The following ARHGAP44 variants were observed in gnomAD, a reference collection of about 807,000 sequenced individuals.
The protein encoded by ARHGAP44 is Rho GTPase activating protein 44.
A neutral mutation model predicts 106.8 loss-of-function variants in ARHGAP44; 43 were observed. The ratio of observed to expected loss-of-function variants is 0.40; its 90% confidence interval spans 0.32 to 0.52. The LOEUF (loss-of-function observed/expected upper bound fraction) is 0.52. ARHGAP44 is among the 20% of genes least tolerant of loss of function. ARHGAP44 has a pLI of 0.48. For synonymous variants in ARHGAP44, 439 were observed against 410.3 expected (o/e 1.07, Z -0.85); for missense variants, 866 against 1,050.5 (o/e 0.82, Z 2.43).
chr17:12,954,110 C>G (rs1045262434), intron 13 of ARHGAP44, among the ~76,000 whole-genome samples: 1 of 150,556 alleles, frequency 6.6e-6, no homozygotes, highest in Non-Finnish European at 1.5e-5. Flanking sequence ...GTTAGCCAGG[C>G]TGGTCTCAAA....
At chr17:12,834,600 G>T (rs1306995073) in intron 1 of ARHGAP44, among the ~76,000 whole-genome samples, 2 of 152,188 alleles carry the variant, frequency 1.3e-5, no homozygotes, top group African/African-American at 2.4e-5. Context: ...TCCACACTGT[G>T]TTGGCAGTGG....
intron 1 of ARHGAP44, among the ~76,000 whole-genome samples, chr17:12,843,297 GCTAC>G (rs2035470595): frequency 6.6e-6 from 1 of 152,108 alleles, no homozygotes; most frequent in South Asian, 2.1e-4. Flanking sequence ...TCTGTACCTA[GCTAC>G]CTTAATTGAC....
At chr17:12,879,595 AAGT>A (rs1206965146) in intron 1 of ARHGAP44, among the ~76,000 whole-genome samples, 2 of 151,858 alleles carry the variant, frequency 1.3e-5, no homozygotes, top group African/African-American at 4.8e-5. Context: ...TTTAAGCAAA[AAGT>A]AGTAAAAACT....
intron 7 of ARHGAP44, among the ~76,000 whole-genome samples, chr17:12,932,710 C>CT (rs34745789): frequency 1.8e-3 from 253 of 143,030 alleles, no homozygotes; most frequent in Middle Eastern, 7.1e-3. Context: ...TTCTTTCTTT[C>CT]TTTTTTTTTT....
chr17:12,984,737 CCTT>C lies in ARHGAP44; in HGVS notation c.2149_2151del (p.Ser717del), dbSNP rs775120031. The C allele has an allele frequency of 9.3e-6, 15 of 1,613,830 alleles. No homozygotes were observed. Among genetic ancestry groups the C allele is most frequent in the African/African-American group, 1.3e-5 (1 of 74,908 alleles). On this transcript the variant is annotated inframe_deletion, in exon 20 of 21. Coordinates refer to ENST00000379672, the MANE Select transcript of ARHGAP44 (RefSeq NM_014859.6). ...AGCTGCAGCTCCTCCCCTGGCCTCT[CCTT>C]CTGTCTTTACAAGCACTTTGAGCAA...
At chr17:12,857,138 A>G (rs1437113669) in intron 1 of ARHGAP44, among the ~76,000 whole-genome samples, 2 of 152,124 alleles carry the variant, frequency 1.3e-5, no homozygotes, top group Admixed American at 1.3e-4. Flanking sequence ...GTCCCTGGCA[A>G]TCCACTTTCA....
chr17:12,935,302 G>A (rs187126841), intron 7 of ARHGAP44, among the ~76,000 whole-genome samples: 365 of 152,246 alleles, frequency 2.4e-3, no homozygotes, highest in Non-Finnish European at 4.5e-3. Flanking sequence ...GGCCGGGTGC[G>A]GTGGCTCACG....
At chr17:12,969,655 C>G (rs2041116) in intron 16 of ARHGAP44, among the ~76,000 whole-genome samples, 5 of 152,254 alleles carry the variant, frequency 3.3e-5, no homozygotes, top group Non-Finnish European at 5.9e-5. Flanking sequence ...TTCCGTCCAT[C>G]AAGGTGTTGT....
At chr17:12,944,652 A>AC (rs1555561377) in intron 10 of ARHGAP44, among the ~76,000 whole-genome samples, 1 of 137,458 alleles carries the variant, frequency 7.3e-6, no homozygotes, top group Non-Finnish European at 1.6e-5. Flanking sequence ...CGCCCAGCTA[A>AC]TTTTTTTTTT....
At chr17:12,983,201 T>C (rs1325510461) in intron 19 of ARHGAP44, among the ~76,000 whole-genome samples, 1 of 143,390 alleles carries the variant, frequency 7.0e-6, no homozygotes, top group Non-Finnish European at 1.5e-5. Context: ...GGAGGCGGAG[T>C]TTGCAGAGAG....
intron 1 of ARHGAP44, among the ~76,000 whole-genome samples, chr17:12,797,923 A>T (rs2033972426): frequency 6.6e-6 from 1 of 152,098 alleles, no homozygotes; most frequent in African/African-American, 2.4e-5. Flanking sequence ...GCTTTTACTT[A>T]TAGGTAATTT....
intron 1 of ARHGAP44, among the ~76,000 whole-genome samples, chr17:12,886,146 A>T (rs553237413): frequency 9.9e-5 from 15 of 151,942 alleles, no homozygotes; most frequent in African/African-American, 3.6e-4. Flanking sequence ...CACTGATCAT[A>T]TTTGTCTAGG....
At chr17:12,872,807 T>C (rs28608204) in intron 1 of ARHGAP44, among the ~76,000 whole-genome samples, 11,181 of 152,244 alleles carry the variant, frequency 0.073, 1,018 homozygotes, top group African/African-American at 0.21. Context: ...TTCCATTCTA[T>C]TTTCCCTTTC....
At position 12,958,994 on chromosome 17, in the gene ARHGAP44, C is replaced by A; in HGVS notation, c.1523+97C>A. 1 of 1,362,816 alleles carries A rather than the reference C, an allele frequency of 7.3e-7. No individual in the cohort carries two copies. 84.4% of individuals were successfully genotyped at this position (1,362,816 alleles called of 1,614,324 possible). A position where few individuals can be genotyped will look rare whatever the true frequency, so the allele number is the denominator to read the frequency against. On this transcript the variant is annotated intron_variant, in intron 16 of 20. Coordinates refer to ENST00000379672, the MANE Select transcript of ARHGAP44 (RefSeq NM_014859.6). This position sits in a 1 kb window ranked among gnomAD's most constrained non-coding sequence, Gnocchi z 4.1. ...GAAAAATACAATTACGGGAAGGCTG[C>A]ACTGACTCTCAGCAGTTTAGGTGAC...
chr17:12,886,909 A>G (rs1284154708), intron 1 of ARHGAP44, among the ~76,000 whole-genome samples: 1 of 148,754 alleles, frequency 6.7e-6, no homozygotes, highest in Non-Finnish European at 1.5e-5. Flanking sequence ...AGATTTTTTC[A>G]TATATGTTAT....
At position 12,880,283 on chromosome 17, in the gene ARHGAP44, A is replaced by C. The variant is rs946852687; in HGVS notation, c.54-14657A>C. On this transcript the variant is annotated intron_variant, in intron 1 of 20. Coordinates refer to ENST00000379672, the MANE Select transcript of ARHGAP44 (RefSeq NM_014859.6). ...GCTATGAACCTATACGCAAATTTAGAACCAAAACATTACCAATTCTATGGA... is the reference window on the plus strand; with the variant it reads ...GCTATGAACCTATACGCAAATTTAGCACCAAAACATTACCAATTCTATGGA... Among the ~76,000 whole-genome samples the C allele has an allele frequency of 2.0e-5, 3 of 152,292 alleles. No homozygotes were observed. In the East Asian group the frequency reaches 5.8e-4, roughly 29 times the overall value.
chr17:12,957,466 G>C (rs1011185239), intron 15 of ARHGAP44, among the ~76,000 whole-genome samples: 2 of 152,286 alleles, frequency 1.3e-5, no homozygotes, highest in Non-Finnish European at 2.9e-5. Context: ...AGATGGATGG[G>C]GACTTTTATT....
intron 1 of ARHGAP44, among the ~76,000 whole-genome samples, chr17:12,881,977 G>A (rs1441067882): frequency 4.6e-5 from 7 of 152,022 alleles, no homozygotes; most frequent in East Asian, 1.9e-4. Flanking sequence ...CCAGGATTTC[G>A]GTCCTGGGCC....
intron 1 of ARHGAP44, among the ~76,000 whole-genome samples, chr17:12,816,685 A>G (rs535287743): frequency 3.3e-5 from 5 of 152,332 alleles, no homozygotes; most frequent in African/African-American, 1.2e-4. Context: ...ATACTGATAA[A>G]AGAGTCAGTT....
Sources: allele counts gnomAD v4.1 joint callset (sites outside exome capture counted in the v4.1 genomes callset), GRCh38; gene constraint gnomAD v4.1.1; non-coding constraint Gnocchi (gnomAD v3.1); transcripts MANE v1.5; gene names NCBI Gene and HGNC (gene_info 2026-07-23, HGNC 2026-07-21).